EDIL3: variants seen among roughly 807,000 people sequenced by gnomAD.
The protein encoded by EDIL3 is EGF like and discoidin domains 3.
EDIL3 carries 37 observed loss-of-function variants against 67.4 expected under a neutral mutation model. That is an observed-to-expected ratio of 0.55 (90% CI 0.42 to 0.72). The LOEUF is 0.72. Ranked by LOEUF, EDIL3 falls within the 30% of genes least tolerant of loss-of-function variation. The pLI is 0.00. For synonymous variants in EDIL3, 195 were observed against 196.3 expected, an observed-to-expected ratio of 0.99 and a Z score of 0.05; for missense variants, 527 against 586.3, an observed-to-expected ratio of 0.90 and a Z score of 1.04.
At chr5:84,291,987 A>T (rs1745933492) in intron 1 of EDIL3, among the ~76,000 whole-genome samples, 1 of 151,916 alleles carries the variant, frequency 6.6e-6, no homozygotes, top group Non-Finnish European at 1.5e-5. Context: ...GATACATTAA[A>T]AAAGAAAAAA....
chr5:84,117,185 G>A (rs928886152), intron 5 of EDIL3, among the ~76,000 whole-genome samples: 4 of 151,510 alleles, frequency 2.6e-5, no homozygotes, highest in Admixed American at 1.3e-4. Context: ...CCACCATCAC[G>A]CCCGGCTAAT....
At chr5:84,171,919 A>G (rs13167086) in intron 4 of EDIL3, among the ~76,000 whole-genome samples, 30,644 of 152,040 alleles carry the variant, frequency 0.2, 3,957 homozygotes, top group Middle Eastern at 0.39. Context: ...CAAGATTGAA[A>G]ACCAGAGTTC....
At chr5:83,962,437 G>A (rs1744620619) in intron 10 of EDIL3, among the ~76,000 whole-genome samples, 1 of 151,400 alleles carries the variant, frequency 6.6e-6, no homozygotes, top group Non-Finnish European at 1.5e-5. Flanking sequence ...ATTAGTCATT[G>A]ATAAGGCCTT....
chr5:84,034,905 T>C (rs1350654548), intron 9 of EDIL3, among the ~76,000 whole-genome samples: 1 of 152,186 alleles, frequency 6.6e-6, no homozygotes, highest in African/African-American at 2.4e-5. Context: ...TCTCACGGTA[T>C]AAATCCTGTA....
intron 3 of EDIL3, among the ~76,000 whole-genome samples, chr5:84,228,087 T>C (rs1246535391): frequency 6.6e-6 from 1 of 152,056 alleles, no homozygotes; most frequent in Non-Finnish European, 1.5e-5. Context: ...TATTTTATAC[T>C]TACATTACAT....
At chr5:84,041,584 CTAT>C (rs773706640) in intron 9 of EDIL3, among the ~76,000 whole-genome samples, 6,951 of 146,188 alleles carry the variant, frequency 0.048, 237 homozygotes, top group Middle Eastern at 0.13. Flanking sequence ...TATGTATATA[CTAT>C]ATATGTATAT....
intron 1 of EDIL3, among the ~76,000 whole-genome samples, chr5:84,375,512 A>C (rs1248476250): frequency 6.6e-6 from 1 of 152,208 alleles, no homozygotes; most frequent in Non-Finnish European, 1.5e-5. Flanking sequence ...AAATTAAATG[A>C]GGATGAGATG....
chr5:84,271,420 T>TAAAG (rs1346483357), intron 1 of EDIL3, among the ~76,000 whole-genome samples: 1 of 25,376 alleles, frequency 3.9e-5, no homozygotes. Context: ...TCTCTACAAA[T>TAAAG]AAATAAATAA....
chr5:84,139,904 G>A (rs908784147), intron 4 of EDIL3, among the ~76,000 whole-genome samples: 3 of 152,164 alleles, frequency 2.0e-5, no homozygotes, highest in South Asian at 2.1e-4. Flanking sequence ...TGATATGATC[G>A]TGTGTTTAGG....
intron 10 of EDIL3, among the ~76,000 whole-genome samples, chr5:83,960,584 C>A (rs531494591): frequency 6.6e-6 from 1 of 151,004 alleles, no homozygotes; most frequent in African/African-American, 2.4e-5. Flanking sequence ...AATTATAGTT[C>A]CTAAATATGT....
At chr5:84,049,267 G>T (rs951525855) in intron 9 of EDIL3, among the ~76,000 whole-genome samples, 1 of 151,410 alleles carries the variant, frequency 6.6e-6, no homozygotes, top group African/African-American at 2.4e-5. Context: ...TATTTTATTG[G>T]AAATTCCATT....
At chr5:84,321,934 A>G (rs1454218558) in intron 1 of EDIL3, among the ~76,000 whole-genome samples, 1 of 152,154 alleles carries the variant, frequency 6.6e-6, no homozygotes, top group African/African-American at 2.4e-5. Context: ...ATAGATGAAG[A>G]AAATTAGAAA....
In EDIL3 at chr5:84,174,470, G is replaced by C. The variant is rs555925834; in HGVS notation, c.355+5923C>G. ...AACAATAGATGGTTATGGAATGGAGGGGGTACCTATTTTCCATTGCATTAA... is the reference window on the plus strand; with the variant it reads ...AACAATAGATGGTTATGGAATGGAGCGGGTACCTATTTTCCATTGCATTAA... On this transcript the variant is annotated intron_variant, in intron 4 of 10. Transcript: ENST00000296591. Among the ~76,000 whole-genome samples the C allele has an allele frequency of 7.2e-5, 11 of 152,278 alleles. No individual in the cohort carries two copies. The South Asian group carries it at 2.3e-3, about 32-fold the overall frequency.
At chr5:84,003,997 G>GAA (rs367584038) in intron 9 of EDIL3, among the ~76,000 whole-genome samples, 65 of 119,396 alleles carry the variant, frequency 5.4e-4, no homozygotes, top group African/African-American at 1.5e-3. Context: ...CAAGCAAAAA[G>GAA]AAAAAAAAAA....
Position 83,942,510 on chromosome 5 carries a change from A to C in EDIL3, c.*909T>G, listed in dbSNP as rs1326806110. The C allele has an allele frequency of 6.6e-6, 1 of 152,062 alleles. No individual in the cohort carries two copies. The highest frequency in any genetic ancestry group is 1.5e-5 in the Non-Finnish European group (1 of 67,974). 9.4% of individuals were successfully genotyped at this position (152,062 alleles called of 1,614,324 possible). A position where few individuals can be genotyped will look rare whatever the true frequency, so the allele number is the denominator to read the frequency against. ...TTTAAAGTAAATATAAGGATATGTA[A>C]TTACCATCTAAATGAAGATTTAAAT... is the stretch of plus-strand genomic sequence containing the variant. On this transcript the variant is annotated 3_prime_UTR_variant, in exon 11 of 11. Transcript: ENST00000296591.
chr5:84,260,198 CTGA>C, intron 1 of EDIL3, among the ~76,000 whole-genome samples: 1 of 152,078 alleles, frequency 6.6e-6, no homozygotes. Flanking sequence ...GAGAAACAGG[CTGA>C]TGAGAAAAAC....
At chr5:84,195,175 A>G (rs902913015) in intron 3 of EDIL3, among the ~76,000 whole-genome samples, 3 of 151,968 alleles carry the variant, frequency 2.0e-5, no homozygotes, top group Admixed American at 2.0e-4. Context: ...TCTTTCCACT[A>G]TCTTTTCTTA....
At chr5:84,125,384 G>A (rs1431197372) in intron 5 of EDIL3, among the ~76,000 whole-genome samples, 2 of 151,926 alleles carry the variant, frequency 1.3e-5, no homozygotes, top group Non-Finnish European at 1.5e-5. Flanking sequence ...TAGACGATAA[G>A]TCATTTCTAT....
chr5:84,245,074 T>A lies in EDIL3; in HGVS notation c.196+9010A>T, dbSNP rs1415216789. On this transcript the variant is annotated intron_variant, in intron 2 of 10. Coordinates refer to ENST00000296591, the MANE Select transcript of EDIL3 (RefSeq NM_005711.5). ...ATGATTTAAGCTTTCTTTGATTAAA[T>A]GCTTATTCCTTCTCTCATTGGTCTT... is the stretch of plus-strand genomic sequence containing the variant. 1.3e-5 allele frequency among the ~76,000 whole-genome samples: 2 copies of A among 152,206 alleles called. 1 individual carries two copies. Among genetic ancestry groups the A allele is most frequent in the African/African-American group, 4.8e-5 (2 of 41,458 alleles).
Sources: allele counts gnomAD v4.1 joint callset (sites outside exome capture counted in the v4.1 genomes callset), GRCh38; gene constraint gnomAD v4.1.1; transcripts MANE v1.5; gene names NCBI Gene and HGNC (gene_info 2026-07-23, HGNC 2026-07-21).